LEMD1: variants seen among roughly 807,000 people sequenced by gnomAD.
LEMD1 encodes LEM domain-containing protein 1.
In LEMD1, 18 loss-of-function variants were observed where a neutral mutation model predicts 17.4. The observed-to-expected ratio is 1.04, with a 90% CI of 0.72 to 1.54. The LOEUF is 1.54. Ranked by LOEUF, LEMD1 falls within the 40% of genes most tolerant of loss-of-function variation. The probability of loss-of-function intolerance (pLI) is 0.00; values close to 1 mark genes in which losing one functional copy is unlikely to be tolerated. For missense variants in LEMD1, 195 were observed against 210.4 expected (o/e 0.93, Z 0.45); for synonymous variants, 88 against 77.8 (o/e 1.13, Z -0.69).
intron 1 of LEMD1, among the ~76,000 whole-genome samples, chr1:205,444,731 G>A (rs935666791): frequency 7.2e-5 from 11 of 152,128 alleles, no homozygotes; most frequent in Admixed American, 4.6e-4. Context: ...GCGGCAGCGG[G>A]GGTGGAAGGC....
chr1:205,426,538 T>G (rs1666057281), upstream of LEMD1, among the ~76,000 whole-genome samples: 1 of 151,640 alleles, frequency 6.6e-6, no homozygotes, highest in African/African-American at 2.4e-5. Flanking sequence ...GAACTCAGAG[T>G]GGGAAGAACA....
intron 1 of LEMD1, among the ~76,000 whole-genome samples, chr1:205,446,245 T>C (rs766259308): frequency 2.6e-5 from 4 of 152,188 alleles, no homozygotes; most frequent in Non-Finnish European, 5.9e-5. Flanking sequence ...AGACAAAGAA[T>C]AGAATGGAGA....
chr1:205,433,935 G>A (rs371781618), intron 1 of LEMD1, among the ~76,000 whole-genome samples: 8 of 152,170 alleles, frequency 5.3e-5, no homozygotes, highest in African/African-American at 1.9e-4. Flanking sequence ...TGATCTCTCC[G>A]CCCTCTCTCA....
At chr1:205,414,638 A>G (rs1300230418) in intron 4 of LEMD1, among the ~76,000 whole-genome samples, 1 of 151,938 alleles carries the variant, frequency 6.6e-6, no homozygotes, top group Non-Finnish European at 1.5e-5. Flanking sequence ...GCCCAGGCTG[A>G]GTCTTGAACT....
intron 4 of LEMD1, among the ~76,000 whole-genome samples, chr1:205,400,891 C>T (rs1253859921): frequency 2.8e-5 from 4 of 140,744 alleles, no homozygotes; most frequent in African/African-American, 1.1e-4. Flanking sequence ...GTTCCCCTTC[C>T]TGTGTCCATG....
At chr1:205,389,743 C>T (rs1289000048) in intron 4 of LEMD1, among the ~76,000 whole-genome samples, 1 of 152,200 alleles carries the variant, frequency 6.6e-6, no homozygotes, top group Non-Finnish European at 1.5e-5. Context: ...ACATAGCAAA[C>T]TGGAAGTTAT....
intron 4 of LEMD1, among the ~76,000 whole-genome samples, chr1:205,393,171 C>A (rs1664419518): frequency 6.6e-6 from 1 of 151,940 alleles, no homozygotes; most frequent in Non-Finnish European, 1.5e-5. Flanking sequence ...AAAAAGAAAA[C>A]CCAGTCTAAA....
In LEMD1 at chr1:205,381,494, TC is replaced by T; in HGVS notation, c.*163del. 1 of 676,486 alleles carries T rather than the reference TC, an allele frequency of 1.5e-6. No homozygotes were observed. The allele number at this position is 676,486 out of a possible 1,614,324, so 41.9% of individuals were successfully genotyped here. Reference sequence around the variant, plus strand: ...CAGGTGCCTGGTTAGGCAGGTTCCTTCCACCTGGCTGAGCCCAGACACCGAT... The same window carrying T: ...CAGGTGCCTGGTTAGGCAGGTTCCTTCACCTGGCTGAGCCCAGACACCGAT... On this transcript the variant is annotated 3_prime_UTR_variant, in exon 6 of 6. Coordinates refer to ENST00000367153, the MANE Select transcript of LEMD1 (RefSeq NM_001199050.2).
intron 1 of LEMD1, among the ~76,000 whole-genome samples, chr1:205,446,084 C>T (rs994783096): frequency 1.3e-5 from 2 of 152,234 alleles, no homozygotes; most frequent in East Asian, 1.9e-4. Flanking sequence ...CGTCTGCAGG[C>T]AGGGGACAGG....
chr1:205,430,713 A>G (rs1666113855), intron 1 of LEMD1, among the ~76,000 whole-genome samples: 1 of 152,070 alleles, frequency 6.6e-6, no homozygotes, highest in Non-Finnish European at 1.5e-5. Context: ...GGAGCTTCCC[A>G]CTCAGCCGGG....
At chr1:205,432,711 C>T (rs904734677) in intron 1 of LEMD1, among the ~76,000 whole-genome samples, 1 of 152,200 alleles carries the variant, frequency 6.6e-6, no homozygotes, top group Admixed American at 6.5e-5. Flanking sequence ...GGAGGGTCCC[C>T]GGGAAATCCC....
chr1:205,448,635 G>T lies in LEMD1; in HGVS notation c.-39+1233C>A, dbSNP rs191284578. Among the ~76,000 whole-genome samples, 15 of 151,944 alleles carry T rather than the reference G, an allele frequency of 9.9e-5. No homozygotes were observed. Among genetic ancestry groups the T allele is most frequent in the Admixed American group, 7.2e-4 (11 of 15,270 alleles). ...CTCACACAATGGTCCTCACTCCAGG[G>T]TATGAGGAGGGGTGGCTTCCTGGCC... On this transcript the variant is annotated intron_variant, in intron 1 of 3. Coordinates refer to the LEMD1 transcript ENST00000367154. This position sits in a 1 kb window ranked among gnomAD's most constrained non-coding sequence, Gnocchi z 4.7.
chr1:205,419,456 C>T, intron 2 of LEMD1, 104 bp from the exon 3 acceptor site: 11 of 1,298,934 alleles, frequency 8.5e-6, no homozygotes, highest in South Asian at 1.3e-5. Flanking sequence ...TTAACCCTTA[C>T]ATTATTGGTT....
chr1:205,442,314 C>T lies in LEMD1; in HGVS notation c.-39+7554G>A, dbSNP rs916236211. ...ATGAGGCGCCTCCCTTCTCCAGCCC[C>T]TCAAGCAATAGAGATTGCATAGGAT... is the stretch of plus-strand genomic sequence containing the variant. On this transcript the variant is annotated intron_variant, in intron 1 of 3. Transcript: ENST00000367154. Among the ~76,000 whole-genome samples the T allele has an allele frequency of 2.6e-5, 4 of 152,278 alleles. No homozygotes were observed. In the South Asian group the frequency reaches 8.3e-4, roughly 32 times the overall value.
In LEMD1 at chr1:205,443,957, G is replaced by A. The variant is rs942308172; in HGVS notation, c.-39+5911C>T. The stretch of plus-strand genomic sequence containing the variant: ...GCTTTGCTCGAGCAGGAGTCCTGTC[G>A]ACTCTCTTCCCTGACTTTACCCCTT... On this transcript the variant is annotated intron_variant, in intron 1 of 3. Coordinates refer to the LEMD1 transcript ENST00000367154. Among the ~76,000 whole-genome samples the A allele has an allele frequency of 3.3e-5, 5 of 152,228 alleles. No homozygotes were observed. In the East Asian group the frequency reaches 5.8e-4, roughly 18 times the overall value.
intron 2 of LEMD1, 59 bp downstream of exon 2, chr1:205,420,396 T>C: frequency 2.3e-6 from 3 of 1,282,126 alleles, no homozygotes; most frequent in Non-Finnish European, 3.4e-6. Context: ...CCTTCTATTG[T>C]AAGTTGTTTA....
upstream of LEMD1, among the ~76,000 whole-genome samples, chr1:205,426,771 C>T (rs1372705615): frequency 6.6e-6 from 1 of 152,094 alleles, no homozygotes; most frequent in African/African-American, 2.4e-5. Flanking sequence ...AGGATCCTTC[C>T]GGTCTGGGGC....
Position 205,448,107 on chromosome 1 carries a change from C to T in LEMD1, c.-39+1761G>A, listed in dbSNP as rs967789352. ...AGAGGGAATCTCCCTCTGGAATCAC[C>T]GGCCCAGTCTCTTCATTCCAGAGTG... On this transcript the variant is annotated intron_variant, in intron 1 of 3. Transcript: ENST00000367154. This position sits in a 1 kb window ranked among gnomAD's most constrained non-coding sequence, Gnocchi z 4.7. Among the ~76,000 whole-genome samples, 6 of 152,176 alleles carry T rather than the reference C, an allele frequency of 3.9e-5. No homozygotes were observed. The highest frequency in any genetic ancestry group is 7.2e-5 in the African/African-American group (3 of 41,450).
chr1:205,423,117 G>A (rs1666005117), upstream of LEMD1, among the ~76,000 whole-genome samples: 1 of 152,122 alleles, frequency 6.6e-6, no homozygotes, highest in African/African-American at 2.4e-5. Context: ...CTTGCCCGTG[G>A]GAGTCTGTAG....
Sources: gnomAD v4.1 joint callset for allele counts (sites outside exome capture counted in the v4.1 genomes callset) on GRCh38, gnomAD v4.1.1 for gene constraint, Gnocchi (gnomAD v3.1) non-coding constraint, MANE v1.5 for transcripts, NCBI Gene and HGNC (gene_info 2026-07-23, HGNC 2026-07-21) for gene names.